Variants in SREBF1 observed in about 807,000 individuals in gnomAD.
SREBF1 encodes sterol regulatory element-binding protein 1.
A neutral mutation model predicts 100.1 loss-of-function variants in SREBF1; 45 were observed. That is an observed-to-expected ratio of 0.45 (90% CI 0.35 to 0.58). The LOEUF (loss-of-function observed/expected upper bound fraction) is 0.58, where lower values mean the gene tolerates loss of function less well. Among genes scored for constraint, SREBF1 ranks in the 20% least tolerant of loss-of-function variants. The probability of loss-of-function intolerance (pLI) is 0.00; values close to 1 mark genes in which losing one functional copy is unlikely to be tolerated. For missense variants in SREBF1, 1,324 were observed against 1,539.4 expected (o/e 0.86, Z 2.34); for synonymous variants, 657 against 681.8 (o/e 0.96, Z 0.57).
intron 1 of SREBF1, among the ~76,000 whole-genome samples, chr17:17,829,992 G>A (rs2034759241): frequency 6.6e-6 from 1 of 152,160 alleles, no homozygotes; most frequent in African/African-American, 2.4e-5. Context: ...CCATGGCGGG[G>A]GGTGCTCCCC....
rs1170212321 is a variant in SREBF1, at chr17:17,823,685, G to GC, written c.92-3165dup. 20 of 854,122 alleles carry GC rather than the reference G, an allele frequency of 2.3e-5. No individual in the cohort carries two copies. In the African/African-American group the frequency reaches 3.9e-4, roughly 17 times the overall value. The allele number at this position is 854,122 out of a possible 1,614,324, so 52.9% of individuals were successfully genotyped here. A position where few individuals can be genotyped will look rare whatever the true frequency, so the allele number is the denominator to read the frequency against. ...CCCGCCCCGCCCCGCCCCCAGCCCCGCCCCAGCCCCGCCCCGCCTGCAGGT... is the reference window on the plus strand; with the variant it reads ...CCCGCCCCGCCCCGCCCCCAGCCCCGCCCCCAGCCCCGCCCCGCCTGCAGGT... On this transcript the variant is annotated intron_variant, in intron 1 of 18. Transcript: ENST00000261646.
chr17:17,819,599 G>A lies in SREBF1; in HGVS notation c.650C>T (p.Thr217Ile), dbSNP rs1410388114. 2 of 1,613,814 alleles carry A rather than the reference G, an allele frequency of 1.2e-6. No individual in the cohort carries two copies. Among genetic ancestry groups the A allele is most frequent in the South Asian group, 1.1e-5 (1 of 91,076 alleles). ...SVVPQQLLTV[T>I]AAPTAAPVTT... The stretch of plus-strand genomic sequence containing the variant: ...TACAGGGGCTGCCGTGGGGGCAGCT[G>A]TGACTGTCAGTAGCTGCTGGGGGAC... Residue 217 changes from threonine (T) to isoleucine (I), a missense_variant, in exon 3 of 19, where the codon ACA becomes ATA. Thr to Ile is a moderately conservative substitution (Grantham distance 89). Coordinates refer to ENST00000261646, the MANE Select transcript of SREBF1 (RefSeq NM_004176.5).
At chr17:17,831,285 A>C (rs1241007690) in intron 1 of SREBF1, among the ~76,000 whole-genome samples, 3 of 151,892 alleles carry the variant, frequency 2.0e-5, no homozygotes, top group East Asian at 3.9e-4. Context: ...GCGGGCCCCC[A>C]TTGTGCCCTA....
Position 17,817,860 on chromosome 17 carries a change from T to C in SREBF1, c.1240A>G (p.Met414Val), listed in dbSNP as rs2033761703. 1 of 1,605,888 alleles carries C rather than the reference T, an allele frequency of 6.2e-7. No individual in the cohort carries two copies. The highest frequency in any genetic ancestry group is 2.2e-5 in the East Asian group (1 of 44,876). Residue 414 changes from methionine (M) to valine (V), a missense_variant, in exon 7 of 19, where the codon ATG (methionine) becomes GTG (valine). Physicochemically the swap from Met to Val is conservative, Grantham distance 21 (BLOSUM62 1). Coordinates refer to ENST00000261646, the MANE Select transcript of SREBF1 (RefSeq NM_004176.5). The surrounding 1 kb of genome is among the most constrained non-coding windows in gnomAD (Gnocchi z 6.6). Reference protein sequence around the residue: ...CGSGGNTDVLMEGVKTEVEDT... With the variant: ...CGSGGNTDVLVEGVKTEVEDT... ...TCCACCTCAGTCTTCACGCCCTCCATGAGCACGTCTGTGTTCCCTCCACTG... is the reference window on the plus strand; with the variant it reads ...TCCACCTCAGTCTTCACGCCCTCCACGAGCACGTCTGTGTTCCCTCCACTG...
At chr17:17,814,060 A>C in intron 16 of SREBF1, 185 bp downstream of exon 16, 1 of 722,274 alleles carries the variant, frequency 1.4e-6, no homozygotes, top group Non-Finnish European at 2.3e-6. Context: ...CTGAGGCCAG[A>C]TAGGGGCAAC....
Position 17,819,951 on chromosome 17 carries a change from CAG to C in SREBF1, c.523+137_523+138del, listed in dbSNP as rs554034741. The C allele has an allele frequency of 2.6e-3, 3,015 of 1,157,708 alleles. 6 individuals carry two copies. Among genetic ancestry groups the C allele is most frequent in the Middle Eastern group, 3.3e-3 (11 of 3,340 alleles). The allele number at this position is 1,157,708 out of a possible 1,614,324, so 71.7% of individuals were successfully genotyped here. ...ACAAGCACACCAGGACTGCTAGTAA[CAG>C]GGCATCTCAAGCAGCCGAGTGGAGC... On this transcript the variant is annotated intron_variant, in intron 2 of 18. Transcript: ENST00000261646.
Position 17,815,908 on chromosome 17 carries a change from C to T in SREBF1, c.2335G>A (p.Val779Met), listed in dbSNP as rs374955252. 2.9e-5 allele frequency: 46 copies of T among 1,612,850 alleles called. No homozygotes were observed. The highest frequency in any genetic ancestry group is 5.5e-5 in the South Asian group (5 of 91,084). The change falls in exon 12 of 19, where the codon GTG (valine) becomes ATG (methionine). Residue 779 changes from valine (V) to methionine (M), a missense_variant. By Grantham distance (21) the Val-to-Met change is conservative. Coordinates refer to ENST00000261646, the MANE Select transcript of SREBF1 (RefSeq NM_004176.5). ...AGGCTCTCCCATGGGGTACTGAGCA[C>T]GGACCAGTCCCCATCCACGAAGAAA... is the stretch of plus-strand genomic sequence containing the variant. ...HRFFVDGDWSVLSTPWESLYS... is the reference protein window; with the variant it reads ...HRFFVDGDWSMLSTPWESLYS...
chr17:17,818,350 T>C lies in SREBF1; in HGVS notation c.1093A>G (p.Lys365Glu), dbSNP rs760064779. Residue 365 changes from lysine to glutamate, a missense_variant, in exon 6 of 19, where the codon AAG becomes GAG. By Grantham distance (56) the Lys-to-Glu change is moderately conservative (BLOSUM62 1). Coordinates refer to ENST00000261646, the MANE Select transcript of SREBF1 (RefSeq NM_004176.5). ...AKLNKSAVLR[K>E]AIDYIRFLQH... ...AGAAAGCGAATGTAGTCGATGGCCT[T>C]GCGCAAGACAGCAGATTTATTCAGC... is the stretch of plus-strand genomic sequence containing the variant. The C allele has an allele frequency of 6.2e-7, 1 of 1,613,298 alleles. No homozygotes were observed. The highest frequency in any genetic ancestry group is 1.7e-5 in the Admixed American group (1 of 59,976).
Position 17,817,479 on chromosome 17 carries a change from G to A in SREBF1, c.1405-22C>T. 1.3e-6 allele frequency: 2 copies of A among 1,570,318 alleles called. No individual in the cohort carries two copies. The highest frequency in any genetic ancestry group is 1.7e-6 in the Non-Finnish European group (2 of 1,157,568). On this transcript the variant is annotated intron_variant, in intron 7 of 18. Coordinates refer to ENST00000261646, the MANE Select transcript of SREBF1 (RefSeq NM_004176.5). This position sits in a 1 kb window ranked among gnomAD's most constrained non-coding sequence, Gnocchi z 6.6. ...TTGCCTGGTGGGGTTGGGCAGGGTG[G>A]TGAGGGCAGAATCGGAGGGACCCCA...
In SREBF1 at chr17:17,836,882, C is replaced by A; in HGVS notation, c.-65G>T. On this transcript the variant is annotated 5_prime_UTR_variant, in exon 1 of 19. Coordinates refer to ENST00000261646, the MANE Select transcript of SREBF1 (RefSeq NM_004176.5). Reference sequence around the variant, plus strand: ...GCCTCGTACGGCCCTTCCTAGGGAGCGCCGCCGCGGCCCCGGCTCTCAGTC... The same window carrying A: ...GCCTCGTACGGCCCTTCCTAGGGAGAGCCGCCGCGGCCCCGGCTCTCAGTC... The A allele has an allele frequency of 7.1e-7, 1 of 1,400,082 alleles. No homozygotes were observed. Among genetic ancestry groups the A allele is most frequent in the Non-Finnish European group, 9.4e-7 (1 of 1,069,286 alleles). The allele number at this position is 1,400,082 out of a possible 1,614,324, so 86.7% of individuals were successfully genotyped here.
At chr17:17,828,614 A>T (rs1398608765) in intron 1 of SREBF1, among the ~76,000 whole-genome samples, 1 of 152,172 alleles carries the variant, frequency 6.6e-6, no homozygotes, top group Non-Finnish European at 1.5e-5. Context: ...ACCTGTTTTC[A>T]GTCAAAATGG....
Position 17,811,670 on chromosome 17 carries a change from G to A in SREBF1, c.*952C>T, listed in dbSNP as rs2032863061. 2.2e-6 allele frequency: 1 copy of A among 452,244 alleles called. No homozygotes were observed. The highest frequency in any genetic ancestry group is 4.4e-6 in the Non-Finnish European group (1 of 225,386). The allele number at this position is 452,244 out of a possible 1,614,324, so 28.0% of individuals were successfully genotyped here. A position where few individuals can be genotyped will look rare whatever the true frequency, so the allele number is the denominator to read the frequency against. On this transcript the variant is annotated 3_prime_UTR_variant, in exon 19 of 19. Coordinates refer to ENST00000261646, the MANE Select transcript of SREBF1 (RefSeq NM_004176.5). Reference sequence around the variant, plus strand: ...GCTTCTTTGCTGTGAGATGACCAGGGGCCGGGATGGGGGAGGTGAGACGTG... The same window carrying A: ...GCTTCTTTGCTGTGAGATGACCAGGAGCCGGGATGGGGGAGGTGAGACGTG...
intron 1 of SREBF1, among the ~76,000 whole-genome samples, chr17:17,828,561 C>A (rs1033214813): frequency 1.3e-5 from 2 of 152,188 alleles, no homozygotes; most frequent in African/African-American, 4.8e-5. Context: ...AACCCACGGG[C>A]CTGATGCAGT....
intron 1 of SREBF1, among the ~76,000 whole-genome samples, chr17:17,822,558 C>A (rs902193956): frequency 2.0e-5 from 3 of 152,264 alleles, no homozygotes; most frequent in African/African-American, 7.2e-5. Flanking sequence ...GCCTATCTGG[C>A]TCAGCCCAGG....
At chr17:17,812,906 G>T in intron 18 of SREBF1, 55 bp from the exon 19 acceptor site, 1 of 1,421,498 alleles carries the variant, frequency 7.0e-7, no homozygotes, top group African/African-American at 1.4e-5. Flanking sequence ...CGCCCCCGCG[G>T]GAGCCCTGCC....
chr17:17,814,976 G>A, intron 13 of SREBF1, 32 bp from the exon 14 acceptor site: 2 of 1,542,476 alleles, frequency 1.3e-6, no homozygotes, highest in Non-Finnish European at 1.8e-6. Context: ...TGTCGGAACA[G>A]ATGGCAGGGG....
At position 17,829,202 on chromosome 17, in the gene SREBF1, AAAAATATATAT is replaced by A. The variant is rs1245725055; in HGVS notation, c.91+7514_91+7524del. ...ACGAGACTCCATCTTAAAAAAAAAAAAAAATATATATATATATATATATATATATATATGTA... is the reference window on the plus strand; with the variant it reads ...ACGAGACTCCATCTTAAAAAAAAAAAATATATATATATATATATATATGTA... On this transcript the variant is annotated intron_variant, in intron 1 of 18. Coordinates refer to ENST00000261646, the MANE Select transcript of SREBF1 (RefSeq NM_004176.5). Among the ~76,000 whole-genome samples the A allele has an allele frequency of 3.3e-3, 122 of 36,464 alleles. 5 individuals carry two copies. The highest frequency in any genetic ancestry group is 9.9e-3 in the African/African-American group (115 of 11,620). 23.9% of individuals were successfully genotyped at this position (36,464 alleles called of 152,430 possible). A position where few individuals can be genotyped will look rare whatever the true frequency, so the allele number is the denominator to read the frequency against.
intron 1 of SREBF1, among the ~76,000 whole-genome samples, chr17:17,827,709 CAA>C (rs2034576179): frequency 6.6e-6 from 1 of 152,152 alleles, no homozygotes; most frequent in Non-Finnish European, 1.5e-5. Context: ...GCCTCGTGCC[CAA>C]AGTCCCACAG....
Position 17,819,610 on chromosome 17 carries a change from T to C in SREBF1, c.639A>G (p.Leu213=). Residue 213 remains leucine (L), a synonymous_variant, in exon 3 of 19, where the codon CTA becomes CTG. Coordinates refer to ENST00000261646, the MANE Select transcript of SREBF1 (RefSeq NM_004176.5). ...TQVQSVVPQQ[L]LTVTAAPTAA... is the part of the protein sequence containing the mutation. ...CCGTGGGGGCAGCTGTGACTGTCAG[T>C]AGCTGCTGGGGGACCACACTCTGGA... The C allele has an allele frequency of 6.2e-7, 1 of 1,613,624 alleles. No homozygotes were observed. The highest frequency in any genetic ancestry group is 8.5e-7 in the Non-Finnish European group (1 of 1,179,838).
Sources: allele counts gnomAD v4.1 joint callset (sites outside exome capture counted in the v4.1 genomes callset), GRCh38; gene constraint gnomAD v4.1.1; non-coding constraint Gnocchi (gnomAD v3.1); transcripts MANE v1.5; gene names NCBI Gene and HGNC (gene_info 2026-07-23, HGNC 2026-07-21).